Variants in PAG1 observed in about 807,000 individuals in gnomAD.
PAG1 encodes phosphoprotein membrane anchor with glycosphingolipid microdomains 1.
In PAG1, 23 loss-of-function variants were observed where a neutral mutation model predicts 31.7. That is an observed-to-expected ratio of 0.73 (90% confidence interval 0.52 to 1.03). The LOEUF is 1.03. Among genes scored for constraint, PAG1 ranks in the 50% least tolerant of loss-of-function variants. The pLI is 0.00. For missense variants in PAG1, 473 were observed against 540.7 expected, an observed-to-expected ratio of 0.87 and a Z score of 1.24; for synonymous variants, 214 against 210.3, an observed-to-expected ratio of 1.02 and a Z score of -0.15.
At chr8:81,051,619 A>G (rs1808730018) in intron 2 of PAG1, among the ~76,000 whole-genome samples, 1 of 152,236 alleles carries the variant, frequency 6.6e-6, no homozygotes, top group Admixed American at 6.5e-5. Context: ...TAAGACAAAC[A>G]GGTCATAACA....
At chr8:81,080,734 A>T (rs542333966) in intron 1 of PAG1, among the ~76,000 whole-genome samples, 1 of 152,208 alleles carries the variant, frequency 6.6e-6, no homozygotes, top group Non-Finnish European at 1.5e-5. Context: ...ATGTAAATTT[A>T]AAAAGAATAA....
intron 3 of PAG1, among the ~76,000 whole-genome samples, chr8:80,996,626 C>T (rs1807678615): frequency 6.6e-6 from 1 of 152,130 alleles, no homozygotes; most frequent in African/African-American, 2.4e-5. Flanking sequence ...ATGGCCCCTC[C>T]CCATGTGTGC....
Position 81,079,662 on chromosome 8 carries a change from T to C in PAG1, c.-233-9492A>G, listed in dbSNP as rs893467497. On this transcript the variant is annotated intron_variant, in intron 1 of 8. Transcript: ENST00000220597. ...CCAATAGGGGTGGAGGGGCCTTGAA[T>C]TGTAGAACTGAAAATACTTCAGTAG... 7.9e-5 allele frequency among the ~76,000 whole-genome samples: 12 copies of C among 152,108 alleles called. 1 individual carries two copies. The highest frequency in any genetic ancestry group is 1.3e-4 in the Non-Finnish European group (9 of 68,014).
At chr8:81,056,659 G>A (rs1383859566) in intron 2 of PAG1, among the ~76,000 whole-genome samples, 3 of 152,136 alleles carry the variant, frequency 2.0e-5, no homozygotes, top group Non-Finnish European at 4.4e-5. Flanking sequence ...CATAGGCACG[G>A]GCAAGGACTT....
At chr8:81,066,633 G>A (rs1308048265) in intron 2 of PAG1, among the ~76,000 whole-genome samples, 2 of 152,136 alleles carry the variant, frequency 1.3e-5, no homozygotes, top group Non-Finnish European at 2.9e-5. Flanking sequence ...GAGAATATGT[G>A]AAATTGGCAG....
At chr8:81,043,062 T>C (rs1263300010) in intron 2 of PAG1, among the ~76,000 whole-genome samples, 3 of 152,288 alleles carry the variant, frequency 2.0e-5, no homozygotes, top group South Asian at 2.1e-4. Context: ...TTTTTAATAG[T>C]TCCCTTTAAA....
rs546398169 is a variant in PAG1, at chr8:80,976,779, C to T, written c.1064G>A (p.Cys355Tyr). The T allele has an allele frequency of 1.2e-6, 2 of 1,614,150 alleles. No homozygotes were observed. The highest frequency in any genetic ancestry group is 1.3e-5 in the African/African-American group (1 of 75,034). The change falls in exon 9 of 9, where the codon TGT becomes TAT. Residue 355 changes from cysteine (C) to tyrosine (Y), a missense_variant. Physicochemically the swap from Cys to Tyr is radical, Grantham distance 194 (BLOSUM62 -2). Coordinates refer to ENST00000220597, the MANE Select transcript of PAG1 (RefSeq NM_018440.4). ...TTTAACAGTAGCATAGAGATCATTACAGGAGGAGGGTGACCTCTGTGGGTC... is the reference window on the plus strand; with the variant it reads ...TTTAACAGTAGCATAGAGATCATTATAGGAGGAGGGTGACCTCTGTGGGTC... ...QGDPQRSPSS[C>Y]NDLYATVKDF...
At chr8:81,045,893 CA>C (rs761153449) in intron 2 of PAG1, among the ~76,000 whole-genome samples, 22 of 152,300 alleles carry the variant, frequency 1.4e-4, no homozygotes, top group Middle Eastern at 3.4e-3. Context: ...GAAAACTTGA[CA>C]GATAAGGATC....
intron 3 of PAG1, among the ~76,000 whole-genome samples, chr8:81,002,370 T>C (rs1807801473): frequency 1.3e-5 from 2 of 152,262 alleles, no homozygotes; most frequent in Non-Finnish European, 2.9e-5. Flanking sequence ...AGCACTTGTT[T>C]AGCCTGGGCT....
chr8:81,108,967 A>T (rs563477293), intron 1 of PAG1, among the ~76,000 whole-genome samples: 1 of 152,342 alleles, frequency 6.6e-6, no homozygotes, highest in South Asian at 2.1e-4. Flanking sequence ...TGGATTGATT[A>T]CTGCTGCCGT....
intron 8 of PAG1, among the ~76,000 whole-genome samples, chr8:80,979,666 A>G (rs1273959991): frequency 1.3e-5 from 2 of 152,228 alleles, no homozygotes; most frequent in Non-Finnish European, 2.9e-5. Context: ...ATGTACCTGC[A>G]TATGTACTTT....
chr8:80,998,493 C>G (rs760468791), intron 3 of PAG1, among the ~76,000 whole-genome samples: 3 of 151,872 alleles, frequency 2.0e-5, no homozygotes, highest in Admixed American at 6.6e-5. Context: ...GCAGCACTTT[C>G]TTTAAGGAAA....
intron 3 of PAG1, among the ~76,000 whole-genome samples, chr8:80,996,892 C>T (rs1161169153): frequency 2.0e-5 from 3 of 152,188 alleles, no homozygotes; most frequent in African/African-American, 4.8e-5. Context: ...GGATAGGAGG[C>T]ATAGTGTATG....
intron 5 of PAG1, among the ~76,000 whole-genome samples, chr8:80,991,277 T>A (rs1807541053): frequency 6.6e-6 from 1 of 152,162 alleles, no homozygotes; most frequent in Admixed American, 6.5e-5. Flanking sequence ...AAAAGTCCCA[T>A]CCCTGCAGTA....
At chr8:81,042,939 T>C (rs889395228) in intron 2 of PAG1, among the ~76,000 whole-genome samples, 2 of 152,212 alleles carry the variant, frequency 1.3e-5, no homozygotes, top group Admixed American at 1.3e-4. Context: ...TCTCCATTCT[T>C]ATGCTGATGG....
intron 2 of PAG1, among the ~76,000 whole-genome samples, chr8:81,046,030 G>A (rs1808636501): frequency 6.6e-6 from 1 of 152,076 alleles, no homozygotes; most frequent in Non-Finnish European, 1.5e-5. Flanking sequence ...CTTTTTCTCT[G>A]TGTCATCAGG....
chr8:81,044,256 T>C (rs1808604686), intron 2 of PAG1, among the ~76,000 whole-genome samples: 1 of 152,220 alleles, frequency 6.6e-6, no homozygotes, highest in Non-Finnish European at 1.5e-5. Context: ...AATAGGGTCT[T>C]TACAGAGGTA....
chr8:80,985,292 G>A lies in PAG1; in HGVS notation c.360C>T (p.Asp120=), dbSNP rs767711543. 2.5e-6 allele frequency: 4 copies of A among 1,614,044 alleles called. No homozygotes were observed. Among genetic ancestry groups the A allele is most frequent in the African/African-American group, 2.7e-5 (2 of 74,908 alleles). ...GATGACATTTTGGTTTCCCTGTGCT[G>A]TCCTGGGAATCCAGCAGATCCGAGG... ...TSASDLLDSQ[D]STGKPKCHQS... The change falls in exon 7 of 9, where the codon GAC becomes GAT. Residue 120 remains aspartate, a synonymous_variant. Coordinates refer to ENST00000220597, the MANE Select transcript of PAG1 (RefSeq NM_018440.4).
chr8:81,050,573 C>A (rs1241713518), intron 2 of PAG1, among the ~76,000 whole-genome samples: 6 of 151,788 alleles, frequency 4.0e-5, no homozygotes, highest in African/African-American at 1.5e-4. Flanking sequence ...AAAGCTTAGT[C>A]CTGAAATAAA....
Sources: gnomAD v4.1 joint callset for allele counts (sites outside exome capture counted in the v4.1 genomes callset) on GRCh38, gnomAD v4.1.1 for gene constraint, MANE v1.5 for transcripts, NCBI Gene and HGNC (gene_info 2026-07-23, HGNC 2026-07-21) for gene names.